The following PRPSAP2 variants were observed in gnomAD, a reference collection of about 807,000 sequenced individuals.
The protein encoded by PRPSAP2 is phosphoribosyl pyrophosphate synthase-associated protein 2.
PRPSAP2 carries 24 observed loss-of-function variants against 40.6 expected under a neutral mutation model. The observed-to-expected ratio is 0.59, with a 90% CI of 0.43 to 0.83. The LOEUF is 0.83. Among genes scored for constraint, PRPSAP2 ranks in the 40% least tolerant of loss-of-function variants. The probability of loss-of-function intolerance (pLI) is 0.00; values close to 1 mark genes in which losing one functional copy is unlikely to be tolerated. For synonymous variants in PRPSAP2, 149 were observed against 164.7 expected, an observed-to-expected ratio of 0.90 and a Z score of 0.73; for missense variants, 292 against 465.6, an observed-to-expected ratio of 0.63 and a Z score of 3.43.
In PRPSAP2 at chr17:18,894,479, CT is replaced by C. The variant is rs1201159228; in HGVS notation, c.584+4620del. 2.2e-3 allele frequency among the ~76,000 whole-genome samples: 266 copies of C among 120,572 alleles called. 1 individual carries two copies. The highest frequency in any genetic ancestry group is 3.3e-3 in the African/African-American group (101 of 30,658). The allele number at this position is 120,572 out of a possible 152,430, so 79.1% of individuals were successfully genotyped here. ...CGGCCCTCTGTAGCTTTTCAATAGT[CT>C]TTTTTTTTTTTTTTTTTGAGACAGA... On this transcript the variant is annotated intron_variant, in intron 8 of 11. Transcript: ENST00000268835.
intron 7 of PRPSAP2, among the ~76,000 whole-genome samples, chr17:18,887,643 T>C (rs1248151259): frequency 1.3e-5 from 2 of 152,202 alleles, no homozygotes; most frequent in African/African-American, 4.8e-5. Context: ...CTATAACTTT[T>C]AAAAACTTAT....
chr17:18,868,766 C>T (rs1206880084), intron 4 of PRPSAP2, among the ~76,000 whole-genome samples: 6 of 151,050 alleles, frequency 4.0e-5, no homozygotes, highest in African/African-American at 1.5e-4. Flanking sequence ...TTATGTTGCC[C>T]AGGCTTATCT....
At chr17:18,907,789 T>C (rs1337463359) in intron 8 of PRPSAP2, among the ~76,000 whole-genome samples, 2 of 152,054 alleles carry the variant, frequency 1.3e-5, no homozygotes, top group Admixed American at 1.3e-4. Context: ...AGATAACCCA[T>C]AGGTCAAAGA....
chr17:18,876,804 A>G (rs2038333670), intron 5 of PRPSAP2, among the ~76,000 whole-genome samples: 2 of 152,172 alleles, frequency 1.3e-5, no homozygotes, highest in African/African-American at 4.8e-5. Context: ...TCAGGTGACT[A>G]GGTGGGGAGA....
At chr17:18,893,464 G>T (rs867545587) in intron 8 of PRPSAP2, among the ~76,000 whole-genome samples, 1 of 151,880 alleles carries the variant, frequency 6.6e-6, no homozygotes, top group Non-Finnish European at 1.5e-5. Context: ...TCATGTCTAA[G>T]AATCCATTGG....
At chr17:18,883,987 C>T (rs905534662) in intron 7 of PRPSAP2, among the ~76,000 whole-genome samples, 4 of 151,616 alleles carry the variant, frequency 2.6e-5, no homozygotes, top group Non-Finnish European at 2.9e-5. Context: ...AAAAACTCTA[C>T]GCCAGGCGCA....
chr17:18,896,204 G>A (rs992329723), intron 8 of PRPSAP2, among the ~76,000 whole-genome samples: 1 of 152,210 alleles, frequency 6.6e-6, no homozygotes, highest in East Asian at 1.9e-4. Flanking sequence ...TGTTGTTTCT[G>A]TGATATGTTT....
chr17:18,900,712 C>T (rs993724894), intron 8 of PRPSAP2, among the ~76,000 whole-genome samples: 3 of 152,032 alleles, frequency 2.0e-5, no homozygotes, highest in African/African-American at 7.2e-5. Context: ...ACCACCAGGC[C>T]TTGTGTGGAC....
At chr17:18,918,736 G>C (rs1567746395) in intron 9 of PRPSAP2, among the ~76,000 whole-genome samples, 1 of 152,168 alleles carries the variant, frequency 6.6e-6, no homozygotes. Flanking sequence ...TGTCCAGTCG[G>C]GTGGCCACTG....
intron 6 of PRPSAP2, among the ~76,000 whole-genome samples, chr17:18,881,189 T>G (rs11650208): frequency 2.0e-4 from 25 of 125,796 alleles, no homozygotes; most frequent in Admixed American, 1.6e-3. Context: ...AAAAAAAAAA[T>G]TTTTTTTGAA....
intron 4 of PRPSAP2, among the ~76,000 whole-genome samples, chr17:18,870,881 C>T (rs192176169): frequency 4.0e-4 from 61 of 150,876 alleles, no homozygotes; most frequent in African/African-American, 1.4e-3. Flanking sequence ...TTTTCTGTGG[C>T]CTCAAGTGAT....
At chr17:18,921,324 A>C (rs2041677499) in intron 9 of PRPSAP2, among the ~76,000 whole-genome samples, 1 of 152,208 alleles carries the variant, frequency 6.6e-6, no homozygotes. Context: ...GAAGGTATGA[A>C]TATAAGGCTT....
In PRPSAP2 at chr17:18,914,114, C is replaced by T. The variant is rs139796916; in HGVS notation, c.733+2863C>T. The stretch of plus-strand genomic sequence containing the variant: ...ACTTGAACCAGGGAGTTGGAGGTTG[C>T]AGTGAGCTGAGATCCAAGACTGTGC... On this transcript the variant is annotated intron_variant, in intron 9 of 11. Coordinates refer to ENST00000268835, the MANE Select transcript of PRPSAP2 (RefSeq NM_002767.4). 8.6e-5 allele frequency among the ~76,000 whole-genome samples: 13 copies of T among 150,968 alleles called. No homozygotes were observed. The South Asian group carries it at 1.0e-3, about 12-fold the overall frequency.
chr17:18,902,970 T>G (rs531040458), intron 8 of PRPSAP2, among the ~76,000 whole-genome samples: 71 of 151,896 alleles, frequency 4.7e-4, no homozygotes, highest in African/African-American at 1.5e-3. Flanking sequence ...ATCGTGGATG[T>G]GGTGGTGACC....
At chr17:18,922,899 T>G (rs1409499725) in intron 9 of PRPSAP2, among the ~76,000 whole-genome samples, 3 of 151,294 alleles carry the variant, frequency 2.0e-5, no homozygotes, top group Non-Finnish European at 4.4e-5. Context: ...GGTCTCAAAC[T>G]CCTGAACTCA....
intron 4 of PRPSAP2, among the ~76,000 whole-genome samples, chr17:18,868,669 G>A (rs564601577): frequency 1.3e-5 from 2 of 151,864 alleles, no homozygotes; most frequent in African/African-American, 4.8e-5. Flanking sequence ...CACACAGTAG[G>A]TGCTCAATAT....
rs1201159228 is a variant in PRPSAP2 at position 18,894,479 on chromosome 17, C to CTTTTTTTTTTTT, written c.584+4609_584+4620dup. 8.3e-3 allele frequency among the ~76,000 whole-genome samples: 1,003 copies of CTTTTTTTTTTTT among 120,484 alleles called. 51 individuals are homozygous for CTTTTTTTTTTTT. The highest frequency in any genetic ancestry group is 0.019 in the African/African-American group (574 of 30,606). The allele number at this position is 120,484 out of a possible 152,430, so 79.0% of individuals were successfully genotyped here. Reference sequence around the variant, plus strand: ...CGGCCCTCTGTAGCTTTTCAATAGTCTTTTTTTTTTTTTTTTTTGAGACAG... The same window carrying CTTTTTTTTTTTT: ...CGGCCCTCTGTAGCTTTTCAATAGTCTTTTTTTTTTTTTTTTTTTTTTTTTTTTTTGAGACAG... On this transcript the variant is annotated intron_variant, in intron 8 of 11. Coordinates refer to ENST00000268835, the MANE Select transcript of PRPSAP2 (RefSeq NM_002767.4).
intron 7 of PRPSAP2, among the ~76,000 whole-genome samples, chr17:18,885,539 C>A (rs2039077182): frequency 6.6e-6 from 1 of 151,206 alleles, no homozygotes; most frequent in Admixed American, 6.6e-5. Flanking sequence ...TTTTGGCTTA[C>A]TGCAGCCTCC....
At chr17:18,883,404 T>TTTC (rs2038900731) in intron 7 of PRPSAP2, among the ~76,000 whole-genome samples, 1 of 13,464 alleles carries the variant, frequency 7.4e-5, no homozygotes, top group African/African-American at 2.1e-4. Context: ...TTTTTCTTTC[T>TTTC]TTTTTTTTTT....
Sources: allele counts gnomAD v4.1 joint callset (sites outside exome capture counted in the v4.1 genomes callset), GRCh38; gene constraint gnomAD v4.1.1; transcripts MANE v1.5; gene names NCBI Gene and HGNC (gene_info 2026-07-23, HGNC 2026-07-21).